Variants in COL27A1 observed in about 807,000 individuals in gnomAD.
The protein encoded by COL27A1 is collagen type XXVII alpha 1 chain.
Under a neutral mutation model 251.3 loss-of-function variants are expected in COL27A1, and 106 were observed. The observed-to-expected ratio is 0.42, with a 90% CI of 0.36 to 0.50. The LOEUF is 0.50. COL27A1 is among the 20% of genes least tolerant of loss of function. The probability of loss-of-function intolerance (pLI) is 0.00; values close to 1 mark genes in which losing one functional copy is unlikely to be tolerated. For missense variants in COL27A1, 2,325 were observed against 2,522.8 expected, an observed-to-expected ratio of 0.92 and a Z score of 1.68; for synonymous variants, 1,000 against 986.3, an observed-to-expected ratio of 1.01 and a Z score of -0.26.
chr9:114,303,187 C>T (rs896258950), intron 56 of COL27A1, among the ~76,000 whole-genome samples: 6 of 151,186 alleles, frequency 4.0e-5, no homozygotes, highest in African/African-American at 1.5e-4. Context: ...TAATTGAGTG[C>T]TTGCTCAATG....
intron 17 of COL27A1, 50 bp from the exon 18 acceptor site, chr9:114,236,931 T>G (rs376891871): frequency 9.7e-5 from 153 of 1,582,842 alleles, no homozygotes; most frequent in Non-Finnish European, 1.2e-4. Context: ...GCTGTTCACC[T>G]GGCCATTTCT....
chr9:114,264,808 G>T, intron 29 of COL27A1, 116 bp from the exon 30 acceptor site: 2 of 1,094,682 alleles, frequency 1.8e-6, no homozygotes, highest in Non-Finnish European at 2.7e-6. Flanking sequence ...ATGGAAAGGG[G>T]GCAGACTCTG....
At chr9:114,242,165 C>T (rs373948597) in intron 21 of COL27A1, 22 bp from the exon 22 acceptor site, 4 of 1,585,366 alleles carry the variant, frequency 2.5e-6, no homozygotes, top group Admixed American at 1.9e-5. Flanking sequence ...CTTTTTTCCT[C>T]TCTCGTGTCT....
chr9:114,284,813 C>G, intron 41 of COL27A1, 36 bp downstream of exon 41: 1 of 1,611,670 alleles, frequency 6.2e-7, no homozygotes, highest in Non-Finnish European at 8.5e-7. Context: ...GCTGCACCCT[C>G]GTGTCTGAGG....
rs937408618 is a variant in COL27A1, at chr9:114,301,696, C to T, written c.4824C>T (p.Pro1608=). The change falls in exon 55 of 61, where the codon CCC becomes CCT. Residue 1608 remains proline, a synonymous_variant. Coordinates refer to ENST00000356083, the MANE Select transcript of COL27A1 (RefSeq NM_032888.4). Reference sequence around the variant, plus strand: ...TGTTCCCCCAGGGTCCTCCCGGCCCCAGAGGGCGGCCCGGCCCCCCGGTAG... The same window carrying T: ...TGTTCCCCCAGGGTCCTCCCGGCCCTAGAGGGCGGCCCGGCCCCCCGGTAG... The part of the protein sequence containing the change: ...GLQGPRGPPG[P]RGRPGPPGPP... The T allele has an allele frequency of 5.6e-6, 9 of 1,611,706 alleles. No individual in the cohort carries two copies. The highest frequency in any genetic ancestry group is 5.3e-5 in the African/African-American group (4 of 74,786).
intron 39 of COL27A1, among the ~76,000 whole-genome samples, chr9:114,282,866 C>T (rs923777659): frequency 1.4e-4 from 22 of 152,142 alleles, no homozygotes; most frequent in East Asian, 7.7e-4. Flanking sequence ...TTATTAGCAT[C>T]GGGGGAGAAA....
At chr9:114,278,764 C>A (rs558532251) in intron 37 of COL27A1, among the ~76,000 whole-genome samples, 2 of 151,838 alleles carry the variant, frequency 1.3e-5, no homozygotes, top group South Asian at 2.1e-4. Context: ...TTGGGCCAGA[C>A]GAAGTGTGTG....
intron 7 of COL27A1, among the ~76,000 whole-genome samples, chr9:114,202,533 G>C (rs1370934977): frequency 6.6e-6 from 1 of 152,204 alleles, no homozygotes; most frequent in African/African-American, 2.4e-5. Flanking sequence ...GATCACGGCT[G>C]TTAGTTACAT....
At chr9:114,170,622 C>T (rs1332063820) in intron 3 of COL27A1, among the ~76,000 whole-genome samples, 2 of 152,166 alleles carry the variant, frequency 1.3e-5, no homozygotes, top group Non-Finnish European at 2.9e-5. Flanking sequence ...AGCCTGTCTC[C>T]AAGAGGACGG....
At position 114,302,058 on chromosome 9, in the gene COL27A1, C is replaced by A. The variant is rs370966764; in HGVS notation, c.4846-24C>A. 6.2e-6 allele frequency: 10 copies of A among 1,608,418 alleles called. No individual in the cohort carries two copies. In the African/African-American group the frequency reaches 1.2e-4, roughly 19 times the overall value. ...CCAGCACACTGTCCCTGTCATTTGA[C>A]TGACCCGCAGTCTTCTTTTGCAGGG... On this transcript the variant is annotated intron_variant, in intron 55 of 60. Coordinates refer to ENST00000356083, the MANE Select transcript of COL27A1 (RefSeq NM_032888.4).
intron 5 of COL27A1, among the ~76,000 whole-genome samples, chr9:114,191,595 CTCATTCCTTTT>C (rs1180523477): frequency 1.3e-5 from 2 of 152,190 alleles, no homozygotes; most frequent in Non-Finnish European, 2.9e-5. Context: ...AGGACGTGAT[CTCATTCCTTTT>C]TATGGCTGCA....
rs749060672 is a variant in COL27A1, at chr9:114,169,358, C to T, written c.1803C>T (p.Ser601=). 1.1e-5 allele frequency: 17 copies of T among 1,611,392 alleles called. No individual in the cohort carries two copies. The highest frequency in any genetic ancestry group is 1.7e-5 in the Admixed American group (1 of 59,926). Reference sequence around the variant, plus strand: ...CCCCGGCGCAATTCCTGTCCTCCAGCCCCCGGCCCACGAGCAGTGGCTATT... The same window carrying T: ...CCCCGGCGCAATTCCTGTCCTCCAGTCCCCGGCCCACGAGCAGTGGCTATT... ...VLAPAQFLSS[S]PRPTSSGYSI... The change falls in exon 3 of 61, where the codon AGC becomes AGT. Residue 601 remains serine (S), a synonymous_variant. Transcript: ENST00000356083.
At chr9:114,279,994 TGTATA>T (rs138329517) in intron 37 of COL27A1, among the ~76,000 whole-genome samples, 3,711 of 152,314 alleles carry the variant, frequency 0.024, 142 homozygotes, top group African/African-American at 0.085. Context: ...TGAAATCCAG[TGTATA>T]GTATATTTTC....
intron 49 of COL27A1, among the ~76,000 whole-genome samples, chr9:114,294,838 G>A (rs1444459879): frequency 1.3e-5 from 2 of 152,220 alleles, no homozygotes; most frequent in Non-Finnish European, 2.9e-5. Flanking sequence ...ATTCTAGCCA[G>A]TGCAATAAGG....
intron 49 of COL27A1, among the ~76,000 whole-genome samples, chr9:114,292,794 A>G (rs1421587082): frequency 6.6e-6 from 1 of 152,266 alleles, no homozygotes; most frequent in Non-Finnish European, 1.5e-5. Context: ...CAGCTGGAGT[A>G]GCTATTTTAA....
Position 114,234,434 on chromosome 9 carries a change from C to T in COL27A1, c.2566-1165C>T, listed in dbSNP as rs145800621. Among the ~76,000 whole-genome samples the T allele has an allele frequency of 2.3e-3, 350 of 152,224 alleles. 1 individual carries two copies. The highest frequency in any genetic ancestry group is 4.1e-3 in the Non-Finnish European group (276 of 68,020). The stretch of plus-strand genomic sequence containing the variant: ...CTGGGTTTTTCTCCCCATTCTTCCT[C>T]CTGCTCCCAGGGATGTAAATGTTTT... On this transcript the variant is annotated intron_variant, in intron 16 of 60. Transcript: ENST00000356083.
At position 114,304,680 on chromosome 9, in the gene COL27A1, C is replaced by T; in HGVS notation, c.4938+7C>T. 1 of 1,613,362 alleles carries T rather than the reference C, an allele frequency of 6.2e-7. No individual in the cohort carries two copies. Among genetic ancestry groups the T allele is most frequent in the Non-Finnish European group, 8.5e-7 (1 of 1,179,378 alleles). ...TGGAGCACTCAGGCCAGAGGTATCTCCAGGGGCTCTCCCCATGTGGGATCC... is the reference window on the plus strand; with the variant it reads ...TGGAGCACTCAGGCCAGAGGTATCTTCAGGGGCTCTCCCCATGTGGGATCC... On this transcript the variant is annotated splice_region_variant and intron_variant, in intron 57 of 60. Transcript: ENST00000356083.
At chr9:114,230,734 TAG>T (rs1831887598) in intron 14 of COL27A1, among the ~76,000 whole-genome samples, 1 of 152,110 alleles carries the variant, frequency 6.6e-6, no homozygotes, top group African/African-American at 2.4e-5. Flanking sequence ...GGGGGACAGA[TAG>T]AGAGAAAGCA....
In COL27A1 at chr9:114,238,343, C is replaced by T. The variant is rs112718305; in HGVS notation, c.2727+628C>T. ...AGCAAGCTGGCTGGGTTCTTTTTGA[C>T]GCCCCCGTCTTTAACAGGGGTCTCG... On this transcript the variant is annotated intron_variant, in intron 19 of 60. Coordinates refer to ENST00000356083, the MANE Select transcript of COL27A1 (RefSeq NM_032888.4). Among the ~76,000 whole-genome samples, 596 of 152,256 alleles carry T rather than the reference C, an allele frequency of 3.9e-3. 7 individuals carry two copies. Among genetic ancestry groups the T allele is most frequent in the African/African-American group, 0.014 (574 of 41,562 alleles).
Sources: gnomAD v4.1 joint callset for allele counts (sites outside exome capture counted in the v4.1 genomes callset) on GRCh38, gnomAD v4.1.1 for gene constraint, MANE v1.5 for transcripts, NCBI Gene and HGNC (gene_info 2026-07-23, HGNC 2026-07-21) for gene names.